NHERF2: variants seen among roughly 807,000 people sequenced by gnomAD.
The protein encoded by NHERF2 is NHERF family PDZ scaffold protein 2, also known as Na(+)/H(+) exchange regulatory cofactor NHE-RF2.
At chr16:2,032,836 G>T in the NHERF2 span, 21 of 1,000,400 alleles carry the variant, frequency 2.1e-5, no homozygotes, top group Non-Finnish European at 2.4e-5. This position sits in a 1 kb window ranked among gnomAD's most constrained non-coding sequence, Gnocchi z 4.0. Flanking sequence ...CCTGGAGGTG[G>T]TGGCAGACCC....
the NHERF2 span, among the ~76,000 whole-genome samples, chr16:2,028,157 C>T: frequency 6.6e-6 from 1 of 152,254 alleles, no homozygotes; most frequent in Non-Finnish European, 1.5e-5. Flanking sequence ...GAATCCATAA[C>T]CTGTCTACAT....
chr16:2,027,262 G>T, the NHERF2 span: 2 of 1,204,778 alleles, frequency 1.7e-6, no homozygotes, highest in Admixed American at 4.3e-5. Flanking sequence ...CCCTCCCCGA[G>T]CGCGTCCCCC....
At chr16:2,033,715 C>T in the NHERF2 span, among the ~76,000 whole-genome samples, 8 of 152,010 alleles carry the variant, frequency 5.3e-5, no homozygotes, top group Non-Finnish European at 8.8e-5. Context: ...CGTGGGAGCC[C>T]GAGGGCCTGG....
At chr16:2,027,881 G>C in the NHERF2 span, among the ~76,000 whole-genome samples, 1 of 152,222 alleles carries the variant, frequency 6.6e-6, no homozygotes, top group Non-Finnish European at 1.5e-5. Flanking sequence ...GTGTGTCTGG[G>C]ACCGGGCTGA....
At chr16:2,037,705 A>G in the NHERF2 span, 1 of 1,554,230 alleles carries the variant, frequency 6.4e-7, no homozygotes, top group South Asian at 1.2e-5. Context: ...CTGTTCAGGA[A>G]GTCCTCGTGA....
chr16:2,036,426 G>T, the NHERF2 span: 1 of 1,607,126 alleles, frequency 6.2e-7, no homozygotes, highest in Non-Finnish European at 8.5e-7. Flanking sequence ...GTCCCGGCCC[G>T]GCCAGTACAT....
the NHERF2 span, chr16:2,038,118 G>C: frequency 4.3e-6 from 5 of 1,161,136 alleles, no homozygotes; most frequent in African/African-American, 1.5e-5. Context: ...CCCCAGCCCC[G>C]GTGAGCCCCC....
the NHERF2 span, among the ~76,000 whole-genome samples, chr16:2,028,379 G>T: frequency 6.6e-6 from 1 of 152,206 alleles, no homozygotes; most frequent in Non-Finnish European, 1.5e-5. Flanking sequence ...CAGGGCTGGG[G>T]CCAGGCTGCT....
At chr16:2,036,826 G>C in the NHERF2 span, 80 of 1,613,082 alleles carry the variant, frequency 5.0e-5, no homozygotes, top group Non-Finnish European at 6.7e-5. Flanking sequence ...TGGACCCCGA[G>C]ACAGATGAAC....
the NHERF2 span, chr16:2,036,600 T>G: frequency 6.6e-7 from 1 of 1,521,232 alleles, no homozygotes; most frequent in Non-Finnish European, 8.8e-7. Flanking sequence ...GCTGGGAACC[T>G]GAGCTGGTGC....
chr16:2,036,138 G>C, the NHERF2 span: 1 of 580,162 alleles, frequency 1.7e-6, no homozygotes, highest in Admixed American at 3.2e-5. Context: ...AACAGGCTTT[G>C]CCCAAGTTCC....
the NHERF2 span, chr16:2,036,998 G>C: frequency 6.5e-7 from 1 of 1,550,194 alleles, no homozygotes; most frequent in Non-Finnish European, 8.7e-7. Flanking sequence ...GCCCTGCCCA[G>C]GTAAGAGGGT....
At chr16:2,036,673 G>T in the NHERF2 span, 1 of 1,592,988 alleles carries the variant, frequency 6.3e-7, no homozygotes, top group Non-Finnish European at 8.6e-7. Context: ...CTGGCCACGC[G>T]GCGTTGGGGG....
chr16:2,038,646 G>C, the NHERF2 span: 1 of 274,946 alleles, frequency 3.6e-6, no homozygotes, highest in African/African-American at 2.4e-5. Flanking sequence ...CACCTGCCCT[G>C]GTGTGGGGGT....
the NHERF2 span, chr16:2,032,973 G>C: frequency 8.9e-7 from 1 of 1,119,588 alleles, no homozygotes; most frequent in Non-Finnish European, 1.1e-6. This position sits in a 1 kb window ranked among gnomAD's most constrained non-coding sequence, Gnocchi z 4.0. Context: ...CGCGGTGCCT[G>C]CGGGGGCTTC....
chr16:2,027,605 G>T, the NHERF2 span, among the ~76,000 whole-genome samples: 1 of 152,252 alleles, frequency 6.6e-6, no homozygotes, highest in African/African-American at 2.4e-5. Flanking sequence ...GTGTATGCAG[G>T]TCCCTTTGGG....
At chr16:2,037,542 A>G in the NHERF2 span, 9 of 1,611,286 alleles carry the variant, frequency 5.6e-6, no homozygotes, top group South Asian at 4.4e-5. Context: ...TCCCAGCTCA[A>G]TGGTGGCTCT....
chr16:2,036,200 T>C, the NHERF2 span: 1 of 1,005,278 alleles, frequency 9.9e-7, no homozygotes, highest in Non-Finnish European at 1.4e-6. Context: ...TGTTTGCCAC[T>C]GAGACCTGGG....
chr16:2,032,067 T>C, the NHERF2 span, among the ~76,000 whole-genome samples: 2 of 151,018 alleles, frequency 1.3e-5, no homozygotes, highest in Non-Finnish European at 2.9e-5. The surrounding 1 kb of genome is among the most constrained non-coding windows in gnomAD (Gnocchi z 4.0). Context: ...TCGCCCAGGC[T>C]GGAGTGCTGT....
Sources: gnomAD v4.1 joint callset for allele counts (sites outside exome capture counted in the v4.1 genomes callset) on GRCh38, gnomAD v4.1.1 for gene constraint, Gnocchi (gnomAD v3.1) non-coding constraint, MANE v1.5 for transcripts, NCBI Gene and HGNC (gene_info 2026-07-23, HGNC 2026-07-21) for gene names.